Variants in AK9 observed in about 807,000 individuals in gnomAD.
AK9 encodes the protein adenylate kinase domain containing 1.
In AK9, 191 loss-of-function variants were observed where a neutral mutation model predicts 239.6. The ratio of observed to expected loss-of-function variants is 0.80; its 90% CI spans 0.71 to 0.90. The LOEUF is 0.90. Among genes scored for constraint, AK9 ranks in the 40% least tolerant of loss-of-function variants. AK9 has a pLI of 0.00. For missense variants in AK9, 1,995 were observed against 2,214.7 expected (o/e 0.90, Z 1.99); for synonymous variants, 689 against 721.0 (o/e 0.96, Z 0.71).
At chr6:109,649,878 A>G (rs1276813340) in intron 8 of AK9, among the ~76,000 whole-genome samples, 2 of 152,210 alleles carry the variant, frequency 1.3e-5, no homozygotes, top group African/African-American at 4.8e-5. Flanking sequence ...TACTGGTACC[A>G]AAACAGAGAT....
At chr6:109,670,331 T>C (rs138228152) in intron 5 of AK9, among the ~76,000 whole-genome samples, 19 of 152,314 alleles carry the variant, frequency 1.2e-4, no homozygotes, top group Non-Finnish European at 2.1e-4. Context: ...TCCTTTTCTT[T>C]TAGAGATATA....
intron 27 of AK9, 67 bp from the exon 28 acceptor site, chr6:109,533,537 G>T: frequency 7.8e-7 from 1 of 1,276,346 alleles, no homozygotes; most frequent in South Asian, 1.6e-5. Flanking sequence ...TCATTAATTT[G>T]ACTGTAATGA....
intron 17 of AK9, among the ~76,000 whole-genome samples, chr6:109,589,511 A>G (rs923413997): frequency 2.0e-5 from 3 of 152,102 alleles, no homozygotes; most frequent in African/African-American, 4.8e-5. Context: ...GAAACATATC[A>G]ACAGTAGAGA....
At chr6:109,541,431 A>G (rs959427521) in intron 27 of AK9, among the ~76,000 whole-genome samples, 1 of 152,068 alleles carries the variant, frequency 6.6e-6, no homozygotes, top group Non-Finnish European at 1.5e-5. Context: ...TGTTTTTGAG[A>G]TGGAGTTTCA....
At chr6:109,560,428 C>T (rs1785603564) in intron 24 of AK9, among the ~76,000 whole-genome samples, 1 of 152,124 alleles carries the variant, frequency 6.6e-6, no homozygotes, top group African/African-American at 2.4e-5. Context: ...TGTGGATCCC[C>T]TTTATCAAGC....
At chr6:109,548,839 A>G (rs1400042112) in intron 25 of AK9, among the ~76,000 whole-genome samples, 3 of 152,366 alleles carry the variant, frequency 2.0e-5, no homozygotes, top group African/African-American at 7.2e-5. Context: ...GAGATGAAAC[A>G]TGGCTTTATC....
intron 12 of AK9, among the ~76,000 whole-genome samples, chr6:109,628,171 C>T (rs1243795308): frequency 3.9e-5 from 6 of 152,258 alleles, no homozygotes; most frequent in African/African-American, 1.4e-4. Flanking sequence ...TAAGGCCTCT[C>T]CTTTGCAACT....
At chr6:109,590,519 T>C (rs1327898511) in intron 17 of AK9, among the ~76,000 whole-genome samples, 1 of 152,196 alleles carries the variant, frequency 6.6e-6, no homozygotes, top group Non-Finnish European at 1.5e-5. Context: ...TTTAATTAAT[T>C]CTTTGTAATG....
chr6:109,661,797 C>CA (rs1232468041), intron 6 of AK9, among the ~76,000 whole-genome samples: 2 of 152,160 alleles, frequency 1.3e-5, no homozygotes, highest in African/African-American at 4.8e-5. Flanking sequence ...AAAAGCTTAT[C>CA]ATTCATTTTG....
chr6:109,516,725 G>T, intron 29 of AK9, 83 bp from the exon 30 acceptor site: 1 of 1,209,898 alleles, frequency 8.3e-7, no homozygotes, highest in Non-Finnish European at 1.2e-6. Flanking sequence ...GGAATATTTT[G>T]TAATGGCTCG....
At chr6:109,533,137 G>T in intron 28 of AK9, 114 bp downstream of exon 28, 1 of 741,688 alleles carries the variant, frequency 1.3e-6, no homozygotes, top group Non-Finnish European at 2.0e-6. Flanking sequence ...AATATTTCAT[G>T]CTTACTGTGG....
rs769558216 is a variant in AK9, at chr6:109,672,117, T to C, written c.232A>G (p.Met78Val). Reference sequence around the variant, plus strand: ...CTTTGAAATTTAGGTTTGTTTACCATAACTCCTGATTCGGTTTCAGCAGCA... The same window carrying C: ...CTTTGAAATTTAGGTTTGTTTACCACAACTCCTGATTCGGTTTCAGCAGCA... ...QIAAETESGVMLQSMLISGQS... is the reference protein window; with the variant it reads ...QIAAETESGVVLQSMLISGQS... The change falls in exon 4 of 41, where the codon ATG becomes GTG. Residue 78 changes from methionine (M) to valine (V), a missense_variant and splice_region_variant. Physicochemically the swap from Met to Val is conservative, Grantham distance 21. Transcript: ENST00000424296. 26 of 1,613,372 alleles carry C rather than the reference T, an allele frequency of 1.6e-5. No individual in the cohort carries two copies. Among genetic ancestry groups the C allele is most frequent in the African/African-American group, 4.0e-5 (3 of 74,898 alleles).
At chr6:109,597,852 A>G (rs1583183331) in intron 17 of AK9, among the ~76,000 whole-genome samples, 1 of 152,056 alleles carries the variant, frequency 6.6e-6, no homozygotes, top group East Asian at 1.9e-4. Context: ...GGAAAGTACA[A>G]CTTGGAAGAG....
chr6:109,511,255 C>T (rs550818524), intron 32 of AK9, among the ~76,000 whole-genome samples: 33 of 152,090 alleles, frequency 2.2e-4, no homozygotes, highest in Non-Finnish European at 3.4e-4. Flanking sequence ...TTTATGGACT[C>T]CATGATGCAA....
intron 29 of AK9, among the ~76,000 whole-genome samples, chr6:109,523,817 T>C (rs1487124751): frequency 6.6e-6 from 1 of 152,184 alleles, no homozygotes; most frequent in Non-Finnish European, 1.5e-5. Flanking sequence ...AAGAACAGTA[T>C]ACACTGAGCT....
Position 109,546,147 on chromosome 6 carries a change from A to G in AK9, c.2965-20T>C, listed in dbSNP as rs1783537568. 8.8e-5 allele frequency: 50 copies of G among 565,628 alleles called. No homozygotes were observed. Among genetic ancestry groups the G allele is most frequent in the Non-Finnish European group, 1.3e-4 (40 of 317,052 alleles). 35.0% of individuals were successfully genotyped at this position (565,628 alleles called of 1,614,324 possible). A position where few individuals can be genotyped will look rare whatever the true frequency, so the allele number is the denominator to read the frequency against. On this transcript the variant is annotated intron_variant, in intron 25 of 40. Coordinates refer to ENST00000424296, the MANE Select transcript of AK9 (RefSeq NM_001145128.3). ...AGGAGCCTGTCACAGGGGGTGGGTC[A>G]GGGAGGGGTGGGATAAAGGGAGAGT...
intron 1 of AK9, among the ~76,000 whole-genome samples, chr6:109,690,255 T>C (rs12192268): frequency 0.34 from 52,226 of 152,100 alleles, 9,498 homozygotes; most frequent in South Asian, 0.44. Context: ...CCCTACATCT[T>C]ATACTCTTGC....
intron 17 of AK9, among the ~76,000 whole-genome samples, chr6:109,607,708 T>C (rs1430865089): frequency 6.6e-6 from 1 of 151,730 alleles, no homozygotes; most frequent in Non-Finnish European, 1.5e-5. Flanking sequence ...GTAAAGATGA[T>C]AGTCTTAACC....
At chr6:109,601,534 G>T (rs981138483) in intron 17 of AK9, among the ~76,000 whole-genome samples, 3 of 152,214 alleles carry the variant, frequency 2.0e-5, no homozygotes, top group Non-Finnish European at 4.4e-5. Flanking sequence ...GTGGTGTAGT[G>T]CTGAGAAGAT....
Sources: gnomAD v4.1 joint callset for allele counts (sites outside exome capture counted in the v4.1 genomes callset) on GRCh38, gnomAD v4.1.1 for gene constraint, MANE v1.5 for transcripts, NCBI Gene and HGNC (gene_info 2026-07-23, HGNC 2026-07-21) for gene names.